Variants in PTPRE observed in about 807,000 individuals in gnomAD.
The protein encoded by PTPRE is protein tyrosine phosphatase receptor type E, also known as receptor-type tyrosine-protein phosphatase epsilon.
Under a neutral mutation model 102.0 loss-of-function variants are expected in PTPRE, and 51 were observed. That is an observed-to-expected ratio of 0.50 (90% confidence interval 0.40 to 0.63). PTPRE has a LOEUF of 0.63. PTPRE is among the 30% of genes least tolerant of loss of function. The probability of loss-of-function intolerance (pLI) is 0.00; values close to 1 mark genes in which losing one functional copy is unlikely to be tolerated. For synonymous variants in PTPRE, 345 were observed against 348.2 expected (o/e 0.99, Z 0.10); for missense variants, 752 against 915.1 (o/e 0.82, Z 2.30).
At chr10:127,955,145 C>T (rs1179702045) in intron 1 of PTPRE, among the ~76,000 whole-genome samples, 3 of 152,094 alleles carry the variant, frequency 2.0e-5, no homozygotes, top group Admixed American at 1.3e-4. Context: ...CTACCATACC[C>T]TGTGATTAAG....
chr10:128,020,676 C>T (rs1318603658), intron 2 of PTPRE, among the ~76,000 whole-genome samples: 2 of 152,206 alleles, frequency 1.3e-5, no homozygotes, highest in Non-Finnish European at 2.9e-5. Flanking sequence ...CTCTTCTGCT[C>T]ACTGCCCTCC....
chr10:127,950,149 G>T (rs73376153), intron 1 of PTPRE, among the ~76,000 whole-genome samples: 3,342 of 151,960 alleles, frequency 0.022, 130 homozygotes, highest in African/African-American at 0.076. Flanking sequence ...GAACTACTTT[G>T]GTTTTCTAAT....
In PTPRE at chr10:128,069,824, G is replaced by T; in HGVS notation, c.1140G>T (p.Thr380=). ...IRNQRPQMVQ[T]DMQYTFIYQA... Reference sequence around the variant, plus strand: ...ATCAGCGCCCTCAGATGGTTCAAACGGATGTGAGTCATGCCTTCCTCTTGC... The same window carrying T: ...ATCAGCGCCCTCAGATGGTTCAAACTGATGTGAGTCATGCCTTCCTCTTGC... Residue 380 remains threonine, a synonymous_variant, in exon 13 of 21, where the codon ACG becomes ACT. Coordinates refer to ENST00000254667, the MANE Select transcript of PTPRE (RefSeq NM_006504.6). 6.2e-7 allele frequency: 1 copy of T among 1,614,224 alleles called. No homozygotes were observed. The highest frequency in any genetic ancestry group is 8.5e-7 in the Non-Finnish European group (1 of 1,180,036).
intron 3 of PTPRE, among the ~76,000 whole-genome samples, chr10:128,043,138 TG>T (rs371371213): frequency 5.3e-5 from 8 of 151,794 alleles, no homozygotes; most frequent in African/African-American, 1.7e-4. Context: ...GGAATTGGGG[TG>T]GGGGGTGGTT....
At chr10:127,935,677 C>G (rs776497809) in intron 1 of PTPRE, among the ~76,000 whole-genome samples, 2 of 152,110 alleles carry the variant, frequency 1.3e-5, no homozygotes, top group Admixed American at 1.3e-4. Context: ...TGTTCCTTCC[C>G]AGGGTTGTGC....
At chr10:128,065,095 G>A (rs1172164884) in intron 10 of PTPRE, among the ~76,000 whole-genome samples, 1 of 152,016 alleles carries the variant, frequency 6.6e-6, no homozygotes, top group African/African-American at 2.4e-5. Flanking sequence ...ATCAGAGATG[G>A]CCTGTGACCC....
chr10:127,920,264 C>T lies in PTPRE; in HGVS notation c.-31+12955C>T, dbSNP rs112208424. 8.9e-3 allele frequency among the ~76,000 whole-genome samples: 1,353 copies of T among 152,314 alleles called. 6 individuals carry two copies. The highest frequency in any genetic ancestry group is 0.015 in the Admixed American group (228 of 15,302). On this transcript the variant is annotated intron_variant, in intron 1 of 20. Transcript: ENST00000254667. ...AAGGCATTTGTGAAGGCTGGAAAGC[C>T]TCCGTGAGAAGAGCACCTTGAGTCC...
intron 2 of PTPRE, among the ~76,000 whole-genome samples, chr10:128,002,487 G>A (rs1183276093): frequency 6.6e-6 from 1 of 152,014 alleles, no homozygotes; most frequent in Non-Finnish European, 1.5e-5. Context: ...GAAGGAAGAT[G>A]CAGCAGTGCG....
intron 2 of PTPRE, among the ~76,000 whole-genome samples, chr10:128,006,564 A>G (rs970863316): frequency 6.6e-6 from 1 of 152,192 alleles, no homozygotes; most frequent in African/African-American, 2.4e-5. Flanking sequence ...TACTTACGCT[A>G]TGTTGATACA....
chr10:127,946,104 G>A (rs1235875219), intron 1 of PTPRE, among the ~76,000 whole-genome samples: 1 of 152,126 alleles, frequency 6.6e-6, no homozygotes, highest in East Asian at 1.9e-4. Flanking sequence ...AAGAAGGTCA[G>A]ATGCTGTGGG....
At chr10:128,016,371 G>T (rs776903843) in intron 2 of PTPRE, among the ~76,000 whole-genome samples, 9 of 152,086 alleles carry the variant, frequency 5.9e-5, no homozygotes, top group Non-Finnish European at 1.3e-4. Flanking sequence ...GGCACCCCCA[G>T]CCCCCAGGTG....
intron 2 of PTPRE, among the ~76,000 whole-genome samples, chr10:128,035,509 G>T (rs1028946312): frequency 7.9e-5 from 12 of 152,248 alleles, no homozygotes; most frequent in African/African-American, 2.9e-4. Context: ...CCATTCCAGG[G>T]GCTCTCTTTA....
At position 128,070,517 on chromosome 10, in the gene PTPRE, C is replaced by T; in HGVS notation, c.1293+67C>T. Reference sequence around the variant, plus strand: ...CCAAGGGCACGAGGAAAACAGGTGACCATTTAAAGGAAGCCTCTTTCAATC... The same window carrying T: ...CCAAGGGCACGAGGAAAACAGGTGATCATTTAAAGGAAGCCTCTTTCAATC... On this transcript the variant is annotated intron_variant, in intron 14 of 20. Transcript: ENST00000254667. This position sits in a 1 kb window ranked among gnomAD's most constrained non-coding sequence, Gnocchi z 4.8. 6 of 1,552,214 alleles carry T rather than the reference C, an allele frequency of 3.9e-6. No homozygotes were observed. Among genetic ancestry groups the T allele is most frequent in the Non-Finnish European group, 5.2e-6 (6 of 1,147,882 alleles).
intron 2 of PTPRE, among the ~76,000 whole-genome samples, chr10:127,982,819 G>A (rs1002385804): frequency 1.3e-5 from 2 of 152,140 alleles, no homozygotes; most frequent in African/African-American, 2.4e-5. Flanking sequence ...TTGGGTCCAG[G>A]CAATGGCAAA....
At chr10:127,946,631 A>T (rs1320272357) in intron 1 of PTPRE, among the ~76,000 whole-genome samples, 1 of 152,250 alleles carries the variant, frequency 6.6e-6, no homozygotes, top group Non-Finnish European at 1.5e-5. Flanking sequence ...CTCATCTGTA[A>T]TTGTGGGTAC....
chr10:127,949,679 A>G (rs1431614727), intron 1 of PTPRE, among the ~76,000 whole-genome samples: 2 of 152,210 alleles, frequency 1.3e-5, no homozygotes, highest in African/African-American at 4.8e-5. Flanking sequence ...CGGTATTCAC[A>G]TAAATGACCT....
At chr10:128,073,036 A>G (rs374024797) in intron 16 of PTPRE, among the ~76,000 whole-genome samples, 108 of 152,326 alleles carry the variant, frequency 7.1e-4, no homozygotes, top group African/African-American at 2.5e-3. Context: ...ACACAGAAAC[A>G]TGTTAGAATC....
chr10:128,018,775 C>T, intron 2 of PTPRE, among the ~76,000 whole-genome samples: 1 of 152,212 alleles, frequency 6.6e-6, no homozygotes, highest in East Asian at 1.9e-4. Flanking sequence ...GGGGGCTTCT[C>T]AGCCTAGTGG....
intron 2 of PTPRE, among the ~76,000 whole-genome samples, chr10:127,995,541 G>A (rs1381217581): frequency 1.3e-5 from 2 of 152,190 alleles, no homozygotes; most frequent in Non-Finnish European, 2.9e-5. Context: ...TCCAGACCCT[G>A]ACGGTGGGGT....
Sources: gnomAD v4.1 joint callset for allele counts (sites outside exome capture counted in the v4.1 genomes callset) on GRCh38, gnomAD v4.1.1 for gene constraint, Gnocchi (gnomAD v3.1) non-coding constraint, MANE v1.5 for transcripts, NCBI Gene and HGNC (gene_info 2026-07-23, HGNC 2026-07-21) for gene names.